The following CFAP46 variants were observed in gnomAD, a reference collection of about 807,000 sequenced individuals.
CFAP46 encodes the protein cilia and flagella associated protein 46.
CFAP46 carries 245 observed loss-of-function variants against 325.7 expected under a neutral mutation model. The observed-to-expected ratio is 0.75, with a 90% CI of 0.68 to 0.84. CFAP46 has a LOEUF of 0.84. Among genes scored for constraint, CFAP46 ranks in the 40% least tolerant of loss-of-function variants. CFAP46 has a pLI of 0.00. For missense variants in CFAP46, 3,346 were observed against 3,543.0 expected (o/e 0.94, Z 1.41); for synonymous variants, 1,523 against 1,495.9 (o/e 1.02, Z -0.42).
rs972337115 is a variant in CFAP46 at position 132,828,321 on chromosome 10, C to T, written c.7117+5037G>A. Among the ~76,000 whole-genome samples, 6 of 152,198 alleles carry T rather than the reference C, an allele frequency of 3.9e-5. No individual in the cohort carries two copies. Among genetic ancestry groups the T allele is most frequent in the South Asian group, 2.1e-4 (1 of 4,830 alleles). ...TCCAGCATTCACCATTCCCACCAGC[C>T]GAGTATGAGGGTTCCGGTTCCACAC... On this transcript the variant is annotated intron_variant, in intron 50 of 57. Coordinates refer to ENST00000368586, the MANE Select transcript of CFAP46 (RefSeq NM_001200049.3). This position sits in a 1 kb window ranked among gnomAD's most constrained non-coding sequence, Gnocchi z 4.9.
In CFAP46 at chr10:132,926,639, A is replaced by G; in HGVS notation, c.994T>C (p.Cys332Arg). Residue 332 changes from cysteine (C) to arginine (R), a missense_variant, in exon 10 of 58, where the codon TGT (cysteine) becomes CGT (arginine). By Grantham distance (180) the Cys-to-Arg change is radical. Transcript: ENST00000368586. Reference sequence around the variant, plus strand: ...AAAGCTTCCGATTCACACTCCAGACATTCCATTTCAATAAGCTTCCCAGGA... The same window carrying G: ...AAAGCTTCCGATTCACACTCCAGACGTTCCATTTCAATAAGCTTCCCAGGA... Reference protein sequence around the residue: ...KDPGKLIEMECLECESEALRL... With the variant: ...KDPGKLIEMERLECESEALRL... 1 of 1,536,302 alleles carries G rather than the reference A, an allele frequency of 6.5e-7. No homozygotes were observed.
chr10:132,814,391 G>A, intron 53 of CFAP46, 137 bp from the exon 54 acceptor site: 1 of 1,051,652 alleles, frequency 9.5e-7, no homozygotes, highest in Non-Finnish European at 1.4e-6. Context: ...TGGGGTGATG[G>A]TAGAACCAGG....
chr10:132,904,121 G>A (rs1292759462), intron 22 of CFAP46, among the ~76,000 whole-genome samples: 3 of 152,220 alleles, frequency 2.0e-5, no homozygotes, highest in Non-Finnish European at 4.4e-5. Flanking sequence ...TTTTCAAAAC[G>A]GAAAGAAATT....
At chr10:132,910,246 AC>A (rs1381801794) in intron 19 of CFAP46, 178 bp from the exon 20 acceptor site, 10 of 528,340 alleles carry the variant, frequency 1.9e-5, no homozygotes, top group Non-Finnish European at 2.7e-5. Context: ...ATGAAGCCCC[AC>A]CCCCAGACGC....
At position 132,909,179 on chromosome 10, in the gene CFAP46, G is replaced by T; in HGVS notation, c.2715C>A (p.Asn905Lys). The change falls in exon 21 of 58, where the codon AAC becomes AAA. Residue 905 changes from asparagine (N) to lysine (K), a missense_variant. Coordinates refer to ENST00000368586, the MANE Select transcript of CFAP46 (RefSeq NM_001200049.3). The stretch of plus-strand genomic sequence containing the variant: ...CAGTGAAGTCCATGAGGCCCAGCCC[G>T]TTGCATGAGTACATTTCCAAGGCAA... ...VLVALEMYSC[N>K]GLGLMDFTVP... 6.5e-7 allele frequency: 1 copy of T among 1,550,178 alleles called. No individual in the cohort carries two copies. The highest frequency in any genetic ancestry group is 8.7e-7 in the Non-Finnish European group (1 of 1,146,918).
At position 132,836,867 on chromosome 10, in the gene CFAP46, A is replaced by T; in HGVS notation, c.6486T>A (p.Asn2162Lys). 1 of 1,611,874 alleles carries T rather than the reference A, an allele frequency of 6.2e-7. No homozygotes were observed. The highest frequency in any genetic ancestry group is 2.2e-5 in the East Asian group (1 of 44,876). Residue 2162 changes from asparagine (N) to lysine (K), a missense_variant, in exon 45 of 58, where the codon AAT becomes AAA. Physicochemically the swap from Asn to Lys is moderately conservative, Grantham distance 94. Coordinates refer to ENST00000368586, the MANE Select transcript of CFAP46 (RefSeq NM_001200049.3). ...CVTEQHFNLL[N>K]EMPPTFWILF... ...GGATCCAAAAGGTCGGAGGCATCTC[A>T]TTCAAGAGGTTAAAATGCTGCTCAG...
intron 41 of CFAP46, among the ~76,000 whole-genome samples, chr10:132,849,069 G>A (rs1051776222): frequency 3.3e-5 from 5 of 152,360 alleles, no homozygotes; most frequent in Admixed American, 3.3e-4. Context: ...TCCCGGCCTG[G>A]CCTGCATGGG....
chr10:132,822,127 G>T (rs1173026998), intron 50 of CFAP46, among the ~76,000 whole-genome samples: 12 of 131,934 alleles, frequency 9.1e-5, no homozygotes, highest in African/African-American at 3.2e-4. Context: ...GTGTGCACTT[G>T]TGTGTGCTGT....
intron 22 of CFAP46, among the ~76,000 whole-genome samples, chr10:132,903,679 T>C (rs1849419807): frequency 6.6e-6 from 1 of 152,250 alleles, no homozygotes; most frequent in Non-Finnish European, 1.5e-5. Context: ...AAGAGTACGA[T>C]ACCCATTATG....
At position 132,828,238 on chromosome 10, in the gene CFAP46, C is replaced by T. The variant is rs1282346708; in HGVS notation, c.7117+5120G>A. Among the ~76,000 whole-genome samples, 2 of 152,228 alleles carry T rather than the reference C, an allele frequency of 1.3e-5. No individual in the cohort carries two copies. The highest frequency in any genetic ancestry group is 2.9e-5 in the Non-Finnish European group (2 of 68,044). ...GGTAGATGGAGTGGAATGACTGCGGCATACAACAGGCCTGCTTTAACTTCT... is the reference window on the plus strand; with the variant it reads ...GGTAGATGGAGTGGAATGACTGCGGTATACAACAGGCCTGCTTTAACTTCT... On this transcript the variant is annotated intron_variant, in intron 50 of 57. Coordinates refer to ENST00000368586, the MANE Select transcript of CFAP46 (RefSeq NM_001200049.3). The surrounding 1 kb of genome is among the most constrained non-coding windows in gnomAD (Gnocchi z 4.9).
rs59444429 is a variant in CFAP46, at chr10:132,930,022, C to G, written c.867-218G>C. The stretch of plus-strand genomic sequence containing the variant: ...GCCCAGCAGTCTCCCGGGGCCAGCA[C>G]AGTTGTGGAGGCTGCCCAGGGCCAC... On this transcript the variant is annotated intron_variant, in intron 8 of 57. Coordinates refer to ENST00000368586, the MANE Select transcript of CFAP46 (RefSeq NM_001200049.3). Among the ~76,000 whole-genome samples the G allele has an allele frequency of 2.9e-3, 442 of 152,256 alleles. 1 individual carries two copies. Among genetic ancestry groups the G allele is most frequent in the African/African-American group, 0.01 (419 of 41,526 alleles).
intron 35 of CFAP46, among the ~76,000 whole-genome samples, chr10:132,862,332 C>T (rs752420623): frequency 6.6e-5 from 10 of 151,790 alleles, no homozygotes; most frequent in Non-Finnish European, 1.2e-4. Context: ...CGGAGGCCGG[C>T]GACAGGGCGG....
rs1349943993 is a variant in CFAP46, at chr10:132,876,641, G to T, written c.4362+171C>A. ...AAGGCTTTCCTAAGTGTCGGCAGTT[G>T]AGGGCAGACAGTGGTGCTGGGAGGG... On this transcript the variant is annotated intron_variant, in intron 31 of 57. Coordinates refer to ENST00000368586, the MANE Select transcript of CFAP46 (RefSeq NM_001200049.3). The surrounding 1 kb of genome is among the most constrained non-coding windows in gnomAD (Gnocchi z 4.1). Among the ~76,000 whole-genome samples the T allele has an allele frequency of 6.6e-6, 1 of 152,202 alleles. No individual in the cohort carries two copies. The highest frequency in any genetic ancestry group is 2.4e-5 in the African/African-American group (1 of 41,434).
intron 1 of CFAP46, 75 bp downstream of exon 1, chr10:132,942,361 G>C: frequency 7.6e-7 from 1 of 1,318,220 alleles, no homozygotes; most frequent in Non-Finnish European, 9.8e-7. Context: ...GAGGGTCCGG[G>C]GCCTCCCCGG....
intron 55 of CFAP46, among the ~76,000 whole-genome samples, chr10:132,811,917 C>A (rs374009854): frequency 2.0e-5 from 3 of 152,348 alleles, no homozygotes; most frequent in African/African-American, 7.2e-5. Flanking sequence ...AGGGCCCACA[C>A]CCCTCATGGG....
intron 22 of CFAP46, among the ~76,000 whole-genome samples, chr10:132,906,431 C>T (rs531955231): frequency 1.3e-5 from 2 of 152,086 alleles, no homozygotes; most frequent in East Asian, 3.9e-4. Flanking sequence ...GCCTGCCAAC[C>T]GAGAAGAGTG....
At chr10:132,815,396 G>A (rs185721282) in intron 50 of CFAP46, among the ~76,000 whole-genome samples, 50 of 152,302 alleles carry the variant, frequency 3.3e-4, no homozygotes, top group Admixed American at 1.1e-3. Context: ...AGCAGACAGC[G>A]GAATGGACGC....
intron 50 of CFAP46, among the ~76,000 whole-genome samples, chr10:132,824,641 G>C (rs977380930): frequency 8.8e-6 from 1 of 114,244 alleles, no homozygotes; most frequent in Non-Finnish European, 1.8e-5. Context: ...GTGCTGATGT[G>C]TGCTGATGTG....
rs1052186891 is a variant in CFAP46 at position 132,827,460 on chromosome 10, G to A, written c.7117+5898C>T. ...CACATGTGCCCTTCTGCAAACTTCC[G>A]TGACACCGATGCAAATTTGCTCTTT... On this transcript the variant is annotated intron_variant, in intron 50 of 57. Coordinates refer to ENST00000368586, the MANE Select transcript of CFAP46 (RefSeq NM_001200049.3). This position sits in a 1 kb window ranked among gnomAD's most constrained non-coding sequence, Gnocchi z 5.7. 1.4e-4 allele frequency among the ~76,000 whole-genome samples: 21 copies of A among 151,994 alleles called. No individual in the cohort carries two copies. The highest frequency in any genetic ancestry group is 3.9e-4 in the East Asian group (2 of 5,152).
Sources: gnomAD v4.1 joint callset for allele counts (sites outside exome capture counted in the v4.1 genomes callset) on GRCh38, gnomAD v4.1.1 for gene constraint, Gnocchi (gnomAD v3.1) non-coding constraint, MANE v1.5 for transcripts, NCBI Gene and HGNC (gene_info 2026-07-23, HGNC 2026-07-21) for gene names.